The following TRPM7 variants were observed in gnomAD, a reference collection of about 807,000 sequenced individuals.
TRPM7 encodes the protein transient receptor potential cation channel subfamily M member 7, also known as LTRPC ion channel family member 7.
TRPM7 carries 134 observed loss-of-function variants against 229.7 expected under a neutral mutation model. That is an observed-to-expected ratio of 0.58 (90% CI 0.51 to 0.67). The LOEUF (loss-of-function observed/expected upper bound fraction) is 0.67. Ranked by LOEUF, TRPM7 falls within the 30% of genes least tolerant of loss-of-function variation. The pLI, the probability that TRPM7 is intolerant of heterozygous loss-of-function variation, is 0.00. For missense variants in TRPM7, 1,901 were observed against 2,210.0 expected, an observed-to-expected ratio of 0.86 and a Z score of 2.80; for synonymous variants, 699 against 715.2, an observed-to-expected ratio of 0.98 and a Z score of 0.36.
chr15:50,574,588 G>T, intron 35 of TRPM7, 49 bp downstream of exon 35: 1 of 1,559,544 alleles, frequency 6.4e-7, no homozygotes, highest in South Asian at 1.2e-5. Flanking sequence ...GGTCAAAAGG[G>T]ACTGCTATCC....
At chr15:50,603,268 G>A (rs1292864425) in intron 21 of TRPM7, among the ~76,000 whole-genome samples, 2 of 151,992 alleles carry the variant, frequency 1.3e-5, no homozygotes, top group Admixed American at 6.6e-5. Flanking sequence ...AGATAATCTT[G>A]TGAGCTTAGC....
chr15:50,633,441 G>A (rs770189854), intron 8 of TRPM7, among the ~76,000 whole-genome samples: 4 of 151,966 alleles, frequency 2.6e-5, no homozygotes, highest in Non-Finnish European at 5.9e-5. Flanking sequence ...TCTCCTTCCC[G>A]CTCTCTTTCA....
intron 1 of TRPM7, among the ~76,000 whole-genome samples, chr15:50,676,540 G>C (rs575981131): frequency 6.6e-6 from 1 of 152,016 alleles, no homozygotes; most frequent in Non-Finnish European, 1.5e-5. Flanking sequence ...TCAACACAGC[G>C]AGACCTCATC....
intron 15 of TRPM7, 33 bp from the exon 16 acceptor site, chr15:50,612,862 A>G: frequency 1.3e-6 from 2 of 1,563,060 alleles, no homozygotes; most frequent in South Asian, 1.2e-5. Flanking sequence ...AAAGCTCATT[A>G]TAATAAGGCC....
At chr15:50,668,102 T>C (rs2061922024) in intron 1 of TRPM7, among the ~76,000 whole-genome samples, 1 of 152,242 alleles carries the variant, frequency 6.6e-6, no homozygotes, top group Non-Finnish European at 1.5e-5. Context: ...ATACAACTGT[T>C]GTCATGTTTT....
intron 1 of TRPM7, among the ~76,000 whole-genome samples, chr15:50,666,310 C>T (rs1364487927): frequency 6.6e-6 from 1 of 151,740 alleles, no homozygotes; most frequent in East Asian, 2.0e-4. Flanking sequence ...TGTGATGGCA[C>T]GTGCCTGTAG....
At position 50,557,833 on chromosome 15, in the gene TRPM7, G is replaced by A. The variant is rs182873643; in HGVS notation, c.*3845C>T. 196 of 152,218 alleles carry A rather than the reference G, an allele frequency of 1.3e-3. No homozygotes were observed. The highest frequency in any genetic ancestry group is 2.0e-3 in the Non-Finnish European group (138 of 68,038). 9.4% of individuals were successfully genotyped at this position (152,218 alleles called of 1,614,324 possible). ...TAATTTTTGTATTTTTAGTAGAGAC[G>A]GGGTTTCACCATGTTGGCCAGGCTG... On this transcript the variant is annotated 3_prime_UTR_variant, in exon 39 of 39. Transcript: ENST00000646667.
intron 15 of TRPM7, among the ~76,000 whole-genome samples, chr15:50,613,242 G>A (rs1267736281): frequency 1.3e-5 from 2 of 152,076 alleles, no homozygotes; most frequent in African/African-American, 4.8e-5. Context: ...GGTGGCCCAC[G>A]CCTGTAATCC....
At chr15:50,637,840 A>G (rs2140724340) in intron 6 of TRPM7, among the ~76,000 whole-genome samples, 1 of 152,360 alleles carries the variant, frequency 6.6e-6, no homozygotes, top group Admixed American at 6.5e-5. Context: ...TTTCATCATC[A>G]CATGCAAAGA....
intron 13 of TRPM7, among the ~76,000 whole-genome samples, chr15:50,618,503 G>A (rs1394883253): frequency 6.6e-6 from 1 of 151,872 alleles, no homozygotes; most frequent in Non-Finnish European, 1.5e-5. Flanking sequence ...CTGGGAGGTG[G>A]AGCTTGCAGT....
intron 30 of TRPM7, among the ~76,000 whole-genome samples, chr15:50,580,255 T>C (rs1003043832): frequency 1.3e-5 from 2 of 152,144 alleles, no homozygotes; most frequent in Non-Finnish European, 2.9e-5. Context: ...AATTCTACAA[T>C]ACTAATTCCT....
chr15:50,636,093 GTGAAGAATA>G (rs1205221430), intron 7 of TRPM7, among the ~76,000 whole-genome samples: 2 of 146,654 alleles, frequency 1.4e-5, no homozygotes, highest in Non-Finnish European at 3.0e-5. Context: ...GATAAAATTA[GTGAAGAATA>G]TGAATTTTTG....
chr15:50,636,868 G>A (rs1196651440), intron 7 of TRPM7, among the ~76,000 whole-genome samples: 1 of 152,090 alleles, frequency 6.6e-6, no homozygotes, highest in Non-Finnish European at 1.5e-5. Flanking sequence ...AGTGGCTCAC[G>A]CCTGTAATCC....
intron 10 of TRPM7, 54 bp from the exon 11 acceptor site, chr15:50,628,303 AG>A: frequency 7.5e-7 from 1 of 1,341,974 alleles, no homozygotes; most frequent in Non-Finnish European, 1.1e-6. Context: ...CTCCATTAAA[AG>A]GTGAACACTT....
chr15:50,575,268 G>T (rs776226736), intron 33 of TRPM7, 133 bp from the exon 34 acceptor site: 64 of 650,588 alleles, frequency 9.8e-5, no homozygotes, highest in Non-Finnish European at 1.3e-4. Flanking sequence ...TTTATACAAA[G>T]AAATTTAATA....
intron 1 of TRPM7, among the ~76,000 whole-genome samples, chr15:50,674,297 A>G (rs574142852): frequency 5.3e-5 from 8 of 151,942 alleles, no homozygotes; most frequent in Non-Finnish European, 1.2e-4. Flanking sequence ...AAGCCCAGCT[A>G]ATTTTTGTAT....
chr15:50,643,711 T>C (rs2061174972), intron 4 of TRPM7, among the ~76,000 whole-genome samples, 158 bp from the exon 5 acceptor site: 1 of 152,304 alleles, frequency 6.6e-6, no homozygotes, highest in East Asian at 1.9e-4. Flanking sequence ...GAATAAGCAA[T>C]AGTAAATGAT....
chr15:50,679,511 AATATATAT>A (rs138501624), intron 1 of TRPM7, among the ~76,000 whole-genome samples: 4 of 75,440 alleles, frequency 5.3e-5, no homozygotes, highest in South Asian at 3.9e-4. Flanking sequence ...GTATATATAT[AATATATAT>A]ATATATATAT....
At chr15:50,562,056 G>A (rs980930297) in intron 38 of TRPM7, among the ~76,000 whole-genome samples, 1 of 151,844 alleles carries the variant, frequency 6.6e-6, no homozygotes, top group African/African-American at 2.4e-5. Context: ...CACCATGCCC[G>A]GCTAATTTTT....
Sources: gnomAD v4.1 joint callset for allele counts (sites outside exome capture counted in the v4.1 genomes callset) on GRCh38, gnomAD v4.1.1 for gene constraint, MANE v1.5 for transcripts, NCBI Gene and HGNC (gene_info 2026-07-23, HGNC 2026-07-21) for gene names.